TRRAP: variants seen among roughly 807,000 people sequenced by gnomAD.
The protein encoded by TRRAP is transformation/transcription domain associated protein.
Under a neutral mutation model 438.8 loss-of-function variants are expected in TRRAP, and 41 were observed. The ratio of observed to expected loss-of-function variants is 0.09; its 90% CI spans 0.07 to 0.12. The LOEUF (loss-of-function observed/expected upper bound fraction) is 0.12, where lower values mean the gene tolerates loss of function less well. Ranked by LOEUF, TRRAP falls within the 10% of genes least tolerant of loss-of-function variation. TRRAP has a pLI of 1.00. For synonymous variants in TRRAP, 1,994 were observed against 1,962.9 expected, an observed-to-expected ratio of 1.02 and a Z score of -0.42; for missense variants, 3,122 against 5,055.1, an observed-to-expected ratio of 0.62 and a Z score of 11.60.
In TRRAP at chr7:98,994,470, C is replaced by A; in HGVS notation, c.10048-117C>A. ...TCATGCCTGCTGTGTGTGGGTCCTG[C>A]CGGGGAGTGCAGAGATGACCCTGGG... On this transcript the variant is annotated intron_variant, in intron 66 of 72. Coordinates refer to ENST00000456197, the MANE Select transcript of TRRAP (RefSeq NM_001375524.1). This position sits in a 1 kb window ranked among gnomAD's most constrained non-coding sequence, Gnocchi z 4.8. The A allele has an allele frequency of 7.0e-7, 1 of 1,436,320 alleles. No individual in the cohort carries two copies. The highest frequency in any genetic ancestry group is 9.5e-7 in the Non-Finnish European group (1 of 1,049,500). The allele number at this position is 1,436,320 out of a possible 1,614,324, so 89.0% of individuals were successfully genotyped here. A position where few individuals can be genotyped will look rare whatever the true frequency, so the allele number is the denominator to read the frequency against.
intron 3 of TRRAP, among the ~76,000 whole-genome samples, chr7:98,883,432 A>G (rs1554403467): frequency 6.6e-6 from 1 of 152,194 alleles, no homozygotes; most frequent in African/African-American, 2.4e-5. Flanking sequence ...GCTGCTTTAA[A>G]GTCTTCTAGT....
chr7:99,008,181 G>A (rs1185526815), intron 69 of TRRAP, among the ~76,000 whole-genome samples, 196 bp from the exon 70 acceptor site: 2 of 152,190 alleles, frequency 1.3e-5, no homozygotes, highest in African/African-American at 2.4e-5. Flanking sequence ...ACAAGGTGAC[G>A]ATCAGTTCGT....
chr7:98,932,308 T>C (rs963410464), intron 26 of TRRAP, among the ~76,000 whole-genome samples: 30 of 152,000 alleles, frequency 2.0e-4, no homozygotes, highest in African/African-American at 7.0e-4. Context: ...AGAGATGGGG[T>C]TTCACAGTGT....
intron 45 of TRRAP, among the ~76,000 whole-genome samples, chr7:98,959,988 A>T (rs536610363): frequency 3.3e-5 from 5 of 151,208 alleles, no homozygotes; most frequent in Non-Finnish European, 7.4e-5. Flanking sequence ...TGGCTTTGGG[A>T]CTTGAGCTTT....
chr7:99,000,487 A>T (rs1793868045), intron 67 of TRRAP, among the ~76,000 whole-genome samples: 1 of 152,196 alleles, frequency 6.6e-6, no homozygotes, highest in Non-Finnish European at 1.5e-5. Context: ...CCCCTCCTCC[A>T]CAGTGTTTCC....
chr7:98,999,647 C>T (rs1793827673), intron 67 of TRRAP: 5 of 924,708 alleles, frequency 5.4e-6, no homozygotes, highest in Non-Finnish European at 7.0e-6. Flanking sequence ...AGCAATTTGC[C>T]ACTAAGTGTG....
intron 13 of TRRAP, among the ~76,000 whole-genome samples, chr7:98,906,877 CT>C (rs1796789546): frequency 6.6e-6 from 1 of 152,036 alleles, no homozygotes; most frequent in Non-Finnish European, 1.5e-5. Context: ...TATAATGCAT[CT>C]TTTTTTGTTA....
chr7:98,957,269 T>A (rs1345174113), intron 43 of TRRAP, among the ~76,000 whole-genome samples: 4 of 152,224 alleles, frequency 2.6e-5, no homozygotes, highest in African/African-American at 9.7e-5. Context: ...CCCTGTTCTC[T>A]CTTTCGCTGT....
intron 65 of TRRAP, 89 bp downstream of exon 65, chr7:98,992,316 C>T (rs1201558484): frequency 7.3e-7 from 1 of 1,376,780 alleles, no homozygotes; most frequent in Non-Finnish European, 1.0e-6. Flanking sequence ...GCAGCCACCC[C>T]TGCCCTGCAG....
intron 8 of TRRAP, 77 bp from the exon 9 acceptor site, chr7:98,899,345 A>G (rs1182264634): frequency 8.5e-7 from 1 of 1,180,160 alleles, no homozygotes; most frequent in Admixed American, 1.8e-5. Context: ...TCAGTGGGTG[A>G]TGCTCAGTGG....
intron 30 of TRRAP, among the ~76,000 whole-genome samples, chr7:98,941,147 A>G (rs1230766000): frequency 6.6e-6 from 1 of 152,084 alleles, no homozygotes; most frequent in Non-Finnish European, 1.5e-5. Flanking sequence ...TACCTGACAT[A>G]TGATTATTAA....
chr7:98,991,437 T>C (rs1333418106), intron 64 of TRRAP, among the ~76,000 whole-genome samples: 1 of 152,226 alleles, frequency 6.6e-6, no homozygotes, highest in East Asian at 1.9e-4. Context: ...AGGAGGCAGC[T>C]GTGTTTTTGA....
chr7:98,912,464 A>C (rs1554408935), intron 18 of TRRAP, among the ~76,000 whole-genome samples: 1 of 151,722 alleles, frequency 6.6e-6, no homozygotes, highest in African/African-American at 2.4e-5. Flanking sequence ...TACTCTTCGA[A>C]GTAGTAAATA....
rs1168553235 is a variant in TRRAP, at chr7:98,886,333, TATAG to T, written c.151-3994_151-3991del. Among the ~76,000 whole-genome samples, 35 of 150,382 alleles carry T rather than the reference TATAG, an allele frequency of 2.3e-4. 1 individual carries two copies. The highest frequency in any genetic ancestry group is 1.8e-4 in the African/African-American group (7 of 39,952). On this transcript the variant is annotated intron_variant, in intron 3 of 72. Coordinates refer to ENST00000456197, the MANE Select transcript of TRRAP (RefSeq NM_001375524.1). ...AGATATCTATATAGATAGAGATAGA[TATAG>T]ATAGATATAGATATCTATATAGATA...
In TRRAP at chr7:98,908,892, T is replaced by C; in HGVS notation, c.1280T>C (p.Val427Ala). The C allele has an allele frequency of 6.2e-7, 1 of 1,613,944 alleles. No individual in the cohort carries two copies. The highest frequency in any genetic ancestry group is 8.5e-7 in the Non-Finnish European group (1 of 1,179,960). Residue 427 changes from valine to alanine, a missense_variant, in exon 14 of 73, where the codon GTG (valine) becomes GCG (alanine). Val to Ala is a moderately conservative substitution (Grantham distance 64). Transcript: ENST00000456197. This position sits in a 1 kb window ranked among gnomAD's most constrained non-coding sequence, Gnocchi z 4.1. ...TCCTGCAAGCTCCTGCTGAACCTGG[T>C]GGACTGCATCCGTTCCAAGAGCGAG... ...TMSCKLLLNL[V>A]DCIRSKSEQE...
chr7:98,893,228 G>A (rs1796053701), intron 5 of TRRAP, among the ~76,000 whole-genome samples: 1 of 152,224 alleles, frequency 6.6e-6, no homozygotes, highest in African/African-American at 2.4e-5. Context: ...CGGATTACAG[G>A]CGTGAGCCAC....
In TRRAP at chr7:98,909,727, A is replaced by G. The variant is rs553430127; in HGVS notation, c.1351-329A>G. ...CCAGGCCCTGCTTGTCAGGCCAGTCACTCAGCCTTCCTGAGCCAGACTCTG... is the reference window on the plus strand; with the variant it reads ...CCAGGCCCTGCTTGTCAGGCCAGTCGCTCAGCCTTCCTGAGCCAGACTCTG... On this transcript the variant is annotated intron_variant, in intron 14 of 72. Transcript: ENST00000456197. Among the ~76,000 whole-genome samples the G allele has an allele frequency of 7.2e-5, 11 of 152,254 alleles. No individual in the cohort carries two copies. The East Asian group carries it at 2.1e-3, about 29-fold the overall frequency.
chr7:98,884,589 C>T lies in TRRAP; in HGVS notation c.150+2565C>T, dbSNP rs1795608797. Among the ~76,000 whole-genome samples, 4 of 152,314 alleles carry T rather than the reference C, an allele frequency of 2.6e-5. No homozygotes were observed. In the South Asian group the frequency reaches 8.3e-4, roughly 32 times the overall value. On this transcript the variant is annotated intron_variant, in intron 3 of 72. Coordinates refer to ENST00000456197, the MANE Select transcript of TRRAP (RefSeq NM_001375524.1). Reference sequence around the variant, plus strand: ...GTGGTGAGCTTCAGGCAGTGTCACCCTGTGTGTGTGCAGTCCAGCCCTCAG... The same window carrying T: ...GTGGTGAGCTTCAGGCAGTGTCACCTTGTGTGTGTGCAGTCCAGCCCTCAG...
intron 39 of TRRAP, 69 bp from the exon 40 acceptor site, chr7:98,953,098 G>A: frequency 1.3e-6 from 2 of 1,521,570 alleles, no homozygotes; most frequent in Non-Finnish European, 1.8e-6. Context: ...GCTTAAACCT[G>A]TCGTATGACC....
Sources: gnomAD v4.1 joint callset for allele counts (sites outside exome capture counted in the v4.1 genomes callset) on GRCh38, gnomAD v4.1.1 for gene constraint, Gnocchi (gnomAD v3.1) non-coding constraint, MANE v1.5 for transcripts, NCBI Gene and HGNC (gene_info 2026-07-23, HGNC 2026-07-21) for gene names.